Variants in TENM2 observed in about 807,000 individuals in gnomAD.
TENM2 encodes teneurin transmembrane protein 2, also known as teneurin-2.
Under a neutral mutation model 245.2 loss-of-function variants are expected in TENM2, and 52 were observed. The ratio of observed to expected loss-of-function variants is 0.21; its 90% CI spans 0.17 to 0.27. TENM2 has a LOEUF of 0.27. Among genes scored for constraint, TENM2 ranks in the 10% least tolerant of loss-of-function variants. The pLI is 1.00. For missense variants in TENM2, 3,046 were observed against 3,666.8 expected (o/e 0.83, Z 4.37); for synonymous variants, 1,363 against 1,438.9 (o/e 0.95, Z 1.19).
At chr5:167,013,466 AT>A in the TENM2 span, among the ~76,000 whole-genome samples, 25 of 151,234 alleles carry the variant, frequency 1.7e-4, no homozygotes, top group Middle Eastern at 3.4e-3. Flanking sequence ...AACAGAAGCC[AT>A]TTTTTTTTCC....
At chr5:168,167,698 G>A (rs1161111752) in intron 13 of TENM2, among the ~76,000 whole-genome samples, 2 of 152,168 alleles carry the variant, frequency 1.3e-5, no homozygotes, top group Non-Finnish European at 2.9e-5. Flanking sequence ...TCATGTCCCT[G>A]GTTTCTGAAC....
chr5:167,597,813 T>G (rs563408113), intron 2 of TENM2, among the ~76,000 whole-genome samples: 9 of 152,218 alleles, frequency 5.9e-5, no homozygotes, highest in African/African-American at 2.2e-4. Flanking sequence ...CACACTAACC[T>G]CATTCTCTCA....
chr5:167,635,633 C>CTTTTTGTTTTTTTTTTTTTT (rs1779148963), intron 2 of TENM2, among the ~76,000 whole-genome samples: 1 of 74,962 alleles, frequency 1.3e-5, no homozygotes, highest in African/African-American at 5.9e-5. Flanking sequence ...TCAGTACAGT[C>CTTTTTGTTTTTTTTTTTTTT]TTTTTTTTTT....
the TENM2 span, among the ~76,000 whole-genome samples, chr5:167,249,558 C>G: frequency 6.6e-6 from 1 of 152,086 alleles, no homozygotes; most frequent in Non-Finnish European, 1.5e-5. Flanking sequence ...ACTGACTGTA[C>G]TGGGTAGGTT....
At chr5:168,161,940 C>T (rs753871967) in intron 12 of TENM2, among the ~76,000 whole-genome samples, 3 of 152,102 alleles carry the variant, frequency 2.0e-5, no homozygotes, top group African/African-American at 4.8e-5. Flanking sequence ...TTCCCCAATT[C>T]GTGGCACCCA....
intron 2 of TENM2, among the ~76,000 whole-genome samples, chr5:167,796,832 G>A (rs1411718980): frequency 6.6e-6 from 1 of 152,086 alleles, no homozygotes; most frequent in Non-Finnish European, 1.5e-5. Context: ...AAGTGTTTTT[G>A]TAGCCTCTCT....
At chr5:168,148,966 G>A (rs145916747) in intron 12 of TENM2, among the ~76,000 whole-genome samples, 30 of 152,126 alleles carry the variant, frequency 2.0e-4, no homozygotes, top group African/African-American at 7.0e-4. Flanking sequence ...TGTCCCATTC[G>A]GGTGGGTCAA....
At chr5:167,896,896 C>T (rs1316662904) in intron 3 of TENM2, among the ~76,000 whole-genome samples, 3 of 152,300 alleles carry the variant, frequency 2.0e-5, no homozygotes, top group East Asian at 3.9e-4. Context: ...GCTTTTTCCT[C>T]GTTGCTAAAA....
intron 7 of TENM2, among the ~76,000 whole-genome samples, chr5:168,064,114 G>A (rs899458961): frequency 4.5e-4 from 68 of 152,108 alleles, no homozygotes; most frequent in African/African-American, 1.6e-3. Flanking sequence ...AAGACAAGAA[G>A]AGGAGTTCAG....
chr5:167,927,812 C>T (rs1193667928), intron 3 of TENM2, among the ~76,000 whole-genome samples: 1 of 152,118 alleles, frequency 6.6e-6, no homozygotes, highest in South Asian at 2.1e-4. Context: ...CAGGACGCCA[C>T]CCTTGAGTCT....
At chr5:167,001,146 C>A in the TENM2 span, among the ~76,000 whole-genome samples, 1 of 151,920 alleles carries the variant, frequency 6.6e-6, no homozygotes, top group African/African-American at 2.4e-5. Context: ...AACTGAAAAC[C>A]CTCCTGACTT....
At chr5:167,485,250 G>A (rs184037367) in intron 2 of TENM2, among the ~76,000 whole-genome samples, 1 of 152,254 alleles carries the variant, frequency 6.6e-6, no homozygotes, top group East Asian at 1.9e-4. Context: ...AAAGTAAGAG[G>A]CTCTAGAAGC....
At chr5:167,601,771 G>T (rs531787110) in intron 2 of TENM2, among the ~76,000 whole-genome samples, 1 of 152,270 alleles carries the variant, frequency 6.6e-6, no homozygotes, top group Non-Finnish European at 1.5e-5. Flanking sequence ...ATAATTTATT[G>T]CTATAAATCT....
chr5:167,842,236 G>T (rs1769591724), intron 2 of TENM2, among the ~76,000 whole-genome samples: 1 of 151,900 alleles, frequency 6.6e-6, no homozygotes, highest in South Asian at 2.1e-4. Context: ...TCAGAGCAGA[G>T]CTTTACAAGC....
chr5:167,642,475 C>T (rs1315335740), intron 2 of TENM2, among the ~76,000 whole-genome samples: 1 of 152,152 alleles, frequency 6.6e-6, no homozygotes, highest in Non-Finnish European at 1.5e-5. Context: ...CAAGTAGACT[C>T]CTTTTCACTC....
chr5:167,678,166 C>G (rs566277459), intron 2 of TENM2, among the ~76,000 whole-genome samples: 2 of 151,990 alleles, frequency 1.3e-5, no homozygotes, highest in African/African-American at 4.8e-5. Flanking sequence ...ATGACTGTCT[C>G]TAGATAATGG....
intron 2 of TENM2, among the ~76,000 whole-genome samples, chr5:167,789,428 T>C (rs1203342861): frequency 6.6e-6 from 1 of 152,180 alleles, no homozygotes; most frequent in Non-Finnish European, 1.5e-5. Flanking sequence ...CTTGAATGGA[T>C]GAGGAGCCAG....
intron 2 of TENM2, among the ~76,000 whole-genome samples, chr5:167,389,529 TTAATG>T (rs1761638250): frequency 6.6e-6 from 1 of 152,174 alleles, no homozygotes; most frequent in Non-Finnish European, 1.5e-5. Flanking sequence ...TAGTACTCCT[TTAATG>T]TAATCCATTT....
At chr5:167,620,124 GGTTA>G (rs1185750338) in intron 2 of TENM2, among the ~76,000 whole-genome samples, 2 of 152,138 alleles carry the variant, frequency 1.3e-5, no homozygotes, top group Non-Finnish European at 2.9e-5. Flanking sequence ...TCGGCCGTGT[GGTTA>G]GTTATGCAGG....
Sources: gnomAD v4.1 joint callset for allele counts (sites outside exome capture counted in the v4.1 genomes callset) on GRCh38, gnomAD v4.1.1 for gene constraint, MANE v1.5 for transcripts, NCBI Gene and HGNC (gene_info 2026-07-23, HGNC 2026-07-21) for gene names.